Variants in EYS observed in about 807,000 individuals in gnomAD.
EYS encodes the protein protein eyes shut homolog.
Under a neutral mutation model 282.1 loss-of-function variants are expected in EYS, and 250 were observed. The ratio of observed to expected loss-of-function variants is 0.89; its 90% confidence interval spans 0.80 to 0.98. The LOEUF (loss-of-function observed/expected upper bound fraction) is 0.98, where lower values mean the gene tolerates loss of function less well. Ranked by LOEUF, EYS falls within the 50% of genes least tolerant of loss-of-function variation. EYS has a pLI of 0.00. For missense variants in EYS, 4,016 were observed against 3,709.0 expected (o/e 1.08, Z -2.15); for synonymous variants, 1,355 against 1,282.9 (o/e 1.06, Z -1.20).
intron 30 of EYS, among the ~76,000 whole-genome samples, chr6:64,246,298 C>T (rs1447756613): frequency 6.6e-6 from 1 of 151,292 alleles, no homozygotes; most frequent in African/African-American, 2.4e-5. Flanking sequence ...TTAGCATGAA[C>T]GTTATATATG....
intron 12 of EYS, among the ~76,000 whole-genome samples, chr6:65,275,269 A>T (rs1358524852): frequency 6.6e-6 from 1 of 152,184 alleles, no homozygotes; most frequent in Non-Finnish European, 1.5e-5. Flanking sequence ...TTGGTATGTT[A>T]CTGGACCTTA....
chr6:64,742,810 G>A (rs1042610660), intron 22 of EYS, among the ~76,000 whole-genome samples: 2 of 152,120 alleles, frequency 1.3e-5, no homozygotes, highest in Admixed American at 1.3e-4. Flanking sequence ...AGAGGGAATG[G>A]CTCCATGATG....
At chr6:65,133,130 C>A (rs1469002216) in intron 12 of EYS, among the ~76,000 whole-genome samples, 1 of 151,958 alleles carries the variant, frequency 6.6e-6, no homozygotes, top group Admixed American at 6.6e-5. Context: ...AATGGCCATC[C>A]TGCTTCAAGC....
At chr6:64,149,523 G>GA (rs1198527137) in intron 31 of EYS, among the ~76,000 whole-genome samples, 1 of 152,144 alleles carries the variant, frequency 6.6e-6, no homozygotes, top group Non-Finnish European at 1.5e-5. Flanking sequence ...CAATTCAGCA[G>GA]AATTTTCTGG....
rs188297913 is a variant in EYS at position 64,822,291 on chromosome 6, C to T, written c.3164+360G>A. On this transcript the variant is annotated intron_variant, in intron 20 of 42. Transcript: ENST00000503581. The stretch of plus-strand genomic sequence containing the variant: ...CTGAAAGAACCAGTTTACTTAGGAA[C>T]ATTTTAAATACTGTGTGGTATTATC... 1.5e-4 allele frequency among the ~76,000 whole-genome samples: 23 copies of T among 152,104 alleles called. No homozygotes were observed. In the East Asian group the frequency reaches 3.1e-3, roughly 21 times the overall value.
chr6:64,573,951 A>G (rs542957936), intron 26 of EYS, among the ~76,000 whole-genome samples: 1 of 152,062 alleles, frequency 6.6e-6, no homozygotes, highest in African/African-American at 2.4e-5. Context: ...ATTATAAATA[A>G]TTCTACTATA....
intron 5 of EYS, among the ~76,000 whole-genome samples, chr6:65,465,797 C>A (rs1764977969): frequency 6.6e-6 from 1 of 152,038 alleles, no homozygotes; most frequent in Non-Finnish European, 1.5e-5. Flanking sequence ...GCCTGGGCAA[C>A]ATCATGACAC....
chr6:63,937,345 CTT>C (rs778809745), intron 35 of EYS, among the ~76,000 whole-genome samples: 1 of 54,472 alleles, frequency 1.8e-5, no homozygotes, highest in African/African-American at 7.6e-5. Flanking sequence ...TCTCTCTTTT[CTT>C]TTTTTTTTTT....
chr6:65,611,380 G>A (rs571276239), intron 2 of EYS, among the ~76,000 whole-genome samples: 121 of 152,000 alleles, frequency 8.0e-4, no homozygotes, highest in Non-Finnish European at 1.2e-3. Context: ...TGAAAAGTCA[G>A]TATAAAGTAT....
At chr6:64,891,094 T>G (rs373555739) in intron 18 of EYS, among the ~76,000 whole-genome samples, 1 of 151,828 alleles carries the variant, frequency 6.6e-6, no homozygotes. Flanking sequence ...TTAATAATGA[T>G]GCAAAAAGGC....
intron 2 of EYS, among the ~76,000 whole-genome samples, chr6:65,540,865 G>A (rs1317041043): frequency 6.6e-6 from 1 of 152,150 alleles, no homozygotes; most frequent in East Asian, 1.9e-4. Flanking sequence ...GGAGGTAGCA[G>A]TGAGCCGAGA....
chr6:64,897,813 A>C (rs1042881611), intron 18 of EYS, among the ~76,000 whole-genome samples: 1 of 152,258 alleles, frequency 6.6e-6, no homozygotes, highest in Non-Finnish European at 1.5e-5. Context: ...AAGCACACAC[A>C]AGTATCAATA....
At chr6:65,291,145 A>C (rs1323629481) in intron 12 of EYS, among the ~76,000 whole-genome samples, 1 of 151,622 alleles carries the variant, frequency 6.6e-6, no homozygotes, top group Non-Finnish European at 1.5e-5. Context: ...TAAGTAAGAT[A>C]CACTTCTCAG....
At chr6:63,829,990 C>A (rs949895110) in intron 36 of EYS, among the ~76,000 whole-genome samples, 1 of 152,234 alleles carries the variant, frequency 6.6e-6, no homozygotes, top group Admixed American at 6.5e-5. Flanking sequence ...AACAGACCTG[C>A]AGCTGAGGGT....
chr6:65,134,416 T>TA (rs1333178655), intron 12 of EYS, among the ~76,000 whole-genome samples: 1 of 151,918 alleles, frequency 6.6e-6, no homozygotes, highest in Non-Finnish European at 1.5e-5. Context: ...CAGATAGCCT[T>TA]AAAAAAATAA....
At chr6:65,199,397 T>A (rs978743165) in intron 12 of EYS, among the ~76,000 whole-genome samples, 1 of 152,138 alleles carries the variant, frequency 6.6e-6, no homozygotes, top group Non-Finnish European at 1.5e-5. Flanking sequence ...AAAGTTTTCC[T>A]ACTCAATTGT....
intron 10 of EYS, among the ~76,000 whole-genome samples, chr6:65,341,161 G>A (rs916347269): frequency 2.6e-5 from 4 of 151,084 alleles, no homozygotes; most frequent in African/African-American, 9.7e-5. Flanking sequence ...CTAAATAAGC[G>A]ATGAGTTCAG....
chr6:64,455,977 T>C (rs1049559308), intron 26 of EYS, among the ~76,000 whole-genome samples: 1 of 152,172 alleles, frequency 6.6e-6, no homozygotes. Context: ...ACTGTTCTGA[T>C]GGTATGTACA....
chr6:64,761,051 T>C (rs1234786576), intron 22 of EYS, among the ~76,000 whole-genome samples: 1 of 152,218 alleles, frequency 6.6e-6, no homozygotes, highest in Non-Finnish European at 1.5e-5. Context: ...GTCACATTTT[T>C]CTACCATCAG....
Sources: allele counts gnomAD v4.1 joint callset (sites outside exome capture counted in the v4.1 genomes callset), GRCh38; gene constraint gnomAD v4.1.1; transcripts MANE v1.5; gene names NCBI Gene and HGNC (gene_info 2026-07-23, HGNC 2026-07-21).